ZC3H4: variants seen among roughly 807,000 people sequenced by gnomAD.
ZC3H4 encodes the protein zinc finger CCCH-type containing 4.
In ZC3H4, 13 loss-of-function variants were observed where a neutral mutation model predicts 108.3. The observed-to-expected ratio is 0.12, with a 90% CI of 0.08 to 0.19. The LOEUF (loss-of-function observed/expected upper bound fraction) is 0.19. ZC3H4 is among the 10% of genes least tolerant of loss of function. The pLI is 1.00. For missense variants in ZC3H4, 1,734 were observed against 1,838.8 expected (o/e 0.94, Z 1.04); for synonymous variants, 917 against 749.6 (o/e 1.22, Z -3.65).
chr19:47,106,617 G>C (rs2057971307), intron 2 of ZC3H4, among the ~76,000 whole-genome samples: 1 of 152,200 alleles, frequency 6.6e-6, no homozygotes, highest in Non-Finnish European at 1.5e-5. Context: ...ATATTAGTAA[G>C]CTGCAAGCAG....
At chr19:47,103,930 C>T (rs556798006) in intron 2 of ZC3H4, among the ~76,000 whole-genome samples, 3 of 150,580 alleles carry the variant, frequency 2.0e-5, no homozygotes, top group Non-Finnish European at 4.4e-5. Flanking sequence ...GGTGAAAGAG[C>T]GAGACTCCGT....
intron 2 of ZC3H4, among the ~76,000 whole-genome samples, chr19:47,097,471 C>A (rs2057840994): frequency 6.6e-6 from 1 of 152,246 alleles, no homozygotes; most frequent in Non-Finnish European, 1.5e-5. Flanking sequence ...AGGGGTCCCC[C>A]CTCACGACAC....
chr19:47,106,364 G>T (rs1327733545), intron 2 of ZC3H4, among the ~76,000 whole-genome samples: 1 of 152,194 alleles, frequency 6.6e-6, no homozygotes, highest in Non-Finnish European at 1.5e-5. Flanking sequence ...GAGGATCATT[G>T]AAGCCAAGAG....
In ZC3H4 at chr19:47,112,501, C is replaced by T. The variant is rs1162910393; in HGVS notation, c.84G>A (p.Ser28=). ...PPSPPPPSTP[S]PPPCSPDARP... is the part of the protein sequence containing the mutation. ...GGGCGTCGGGGGAACACGGAGGAGG[C>T]GAAGGCGTTGATGGCGGCGGCGGCG... Residue 28 remains serine (S), a synonymous_variant, in exon 2 of 15, where the codon TCG becomes TCA. Transcript: ENST00000253048. 2 of 1,129,288 alleles carry T rather than the reference C, an allele frequency of 1.8e-6. No homozygotes were observed. Among genetic ancestry groups the T allele is most frequent in the East Asian group, 3.2e-5 (1 of 31,362 alleles). 70.0% of individuals were successfully genotyped at this position (1,129,288 alleles called of 1,614,324 possible). A position where few individuals can be genotyped will look rare whatever the true frequency, so the allele number is the denominator to read the frequency against.
chr19:47,086,690 C>T (rs1331330773), intron 5 of ZC3H4, 152 bp from the exon 6 acceptor site: 1 of 1,395,268 alleles, frequency 7.2e-7, no homozygotes, highest in Non-Finnish European at 9.4e-7. Context: ...TTCCTAGATG[C>T]CCCAGGTAGG....
At position 47,072,809 on chromosome 19, in the gene ZC3H4, A is replaced by C. The variant is rs1468355107; in HGVS notation, c.1441-96T>G. 7.0e-7 allele frequency: 1 copy of C among 1,428,184 alleles called. No homozygotes were observed. Among genetic ancestry groups the C allele is most frequent in the South Asian group, 1.3e-5 (1 of 78,976 alleles). 88.5% of individuals were successfully genotyped at this position (1,428,184 alleles called of 1,614,324 possible). On this transcript the variant is annotated intron_variant, in intron 11 of 14. Coordinates refer to ENST00000253048, the MANE Select transcript of ZC3H4 (RefSeq NM_015168.2). This position sits in a 1 kb window ranked among gnomAD's most constrained non-coding sequence, Gnocchi z 5.6. ...AGCTGAAGTTTATGAGGAAAAGTCC[A>C]TAATACAAGGACCTTGAGATCTAAA...
chr19:47,067,339 C>T lies in ZC3H4; in HGVS notation c.2929G>A (p.Val977Met), dbSNP rs373956709. 8 of 1,601,364 alleles carry T rather than the reference C, an allele frequency of 5.0e-6. No individual in the cohort carries two copies. The highest frequency in any genetic ancestry group is 6.8e-6 in the Non-Finnish European group (8 of 1,172,962). The stretch of plus-strand genomic sequence containing the variant: ...ATCAGGTCCTCGGGATTCCAGAGCA[C>T]GGTGCGGGCGAAGCTGGGCTTGCTC... ...TLSKPSFART[V>M]LWNPEDLIPL... Residue 977 changes from valine (V) to methionine (M), a missense_variant, in exon 15 of 15, where the codon GTG becomes ATG. Physicochemically the swap from Val to Met is conservative, Grantham distance 21. This residue lies in a region of ZC3H4 where 518 missense variants were observed against 499.6 expected (regional missense o/e 1.04). Coordinates refer to ENST00000253048, the MANE Select transcript of ZC3H4 (RefSeq NM_015168.2). The surrounding 1 kb of genome is among the most constrained non-coding windows in gnomAD (Gnocchi z 6.4).
At chr19:47,070,885 C>G (rs1230550575) in intron 13 of ZC3H4, among the ~76,000 whole-genome samples, 1 of 152,206 alleles carries the variant, frequency 6.6e-6, no homozygotes, top group African/African-American at 2.4e-5. Flanking sequence ...CCCACGGCAC[C>G]GTGTCCAAAC....
chr19:47,085,423 C>A lies in ZC3H4; in HGVS notation c.871-9G>T. On this transcript the variant is annotated splice_polypyrimidine_tract_variant and intron_variant, in intron 6 of 14. Coordinates refer to ENST00000253048, the MANE Select transcript of ZC3H4 (RefSeq NM_015168.2). Reference sequence around the variant, plus strand: ...TCCTCACTCTCTCCATACTGGAATGCGCAGAGGAGAGGGCAGGAGAGCGTC... The same window carrying A: ...TCCTCACTCTCTCCATACTGGAATGAGCAGAGGAGAGGGCAGGAGAGCGTC... 6.4e-7 allele frequency: 1 copy of A among 1,569,792 alleles called. No individual in the cohort carries two copies. Among genetic ancestry groups the A allele is most frequent in the Non-Finnish European group, 8.6e-7 (1 of 1,159,454 alleles).
rs772539001 is a variant in ZC3H4, at chr19:47,072,639, G to A, written c.1515C>T (p.Asn505=). The part of the protein sequence containing the change: ...EVEELKKQGI[N]PLPKPPPGVG... Reference sequence around the variant, plus strand: ...CACCAGGGGGCGGTTTGGGCAGGGGGTTGATGCCCTGCTTCTTCAGTTCCT... The same window carrying A: ...CACCAGGGGGCGGTTTGGGCAGGGGATTGATGCCCTGCTTCTTCAGTTCCT... Residue 505 remains asparagine (N), a synonymous_variant, in exon 12 of 15, where the codon AAC becomes AAT. Transcript: ENST00000253048. This position sits in a 1 kb window ranked among gnomAD's most constrained non-coding sequence, Gnocchi z 5.6. 4.3e-6 allele frequency: 7 copies of A among 1,613,006 alleles called. No individual in the cohort carries two copies. The highest frequency in any genetic ancestry group is 1.7e-5 in the Admixed American group (1 of 59,982).
rs1418131445 is a variant in ZC3H4 at position 47,072,249 on chromosome 19, A to G, written c.1802+103T>C. ...CAGACCAGGACTCCCACAGCTGGGG[A>G]GAGAGGCAGGACTCTCCCACAGCCA... is the stretch of plus-strand genomic sequence containing the variant. On this transcript the variant is annotated intron_variant, in intron 12 of 14. Transcript: ENST00000253048. The surrounding 1 kb of genome is among the most constrained non-coding windows in gnomAD (Gnocchi z 5.6). 3 of 1,406,328 alleles carry G rather than the reference A, an allele frequency of 2.1e-6. No homozygotes were observed. Among genetic ancestry groups the G allele is most frequent in the Non-Finnish European group, 2.9e-6 (3 of 1,036,934 alleles). 87.1% of individuals were successfully genotyped at this position (1,406,328 alleles called of 1,614,324 possible). A position where few individuals can be genotyped will look rare whatever the true frequency, so the allele number is the denominator to read the frequency against.
intron 2 of ZC3H4, among the ~76,000 whole-genome samples, chr19:47,107,362 C>T (rs1268472234): frequency 5.9e-5 from 9 of 152,178 alleles, no homozygotes; most frequent in Non-Finnish European, 1.3e-4. Flanking sequence ...CATTTGACCA[C>T]AAGGACCCTG....
At chr19:47,084,944 G>T (rs1378328350) in intron 8 of ZC3H4, 112 bp downstream of exon 8, 5 of 1,429,844 alleles carry the variant, frequency 3.5e-6, no homozygotes, top group Non-Finnish European at 4.8e-6. Flanking sequence ...CCAGCCCTTT[G>T]GGGGGTGGCT....
At chr19:47,109,722 A>G (rs1011935812) in intron 2 of ZC3H4, among the ~76,000 whole-genome samples, 2 of 152,170 alleles carry the variant, frequency 1.3e-5, no homozygotes, top group African/African-American at 4.8e-5. Flanking sequence ...CCTCATCTAC[A>G]TGTGCGTGAC....
chr19:47,066,796 C>A lies in ZC3H4; in HGVS notation c.3472G>T (p.Gly1158Cys), dbSNP rs1193184632. Residue 1158 changes from glycine to cysteine, a missense_variant, in exon 15 of 15, where the codon GGC becomes TGC. Gly to Cys is a radical substitution (Grantham distance 159). This residue lies in a region of ZC3H4 where 518 missense variants were observed against 499.6 expected (regional missense o/e 1.04). Transcript: ENST00000253048. ...TCAGCAGCCGGCTCTGTGGCTTTGC[C>A]CCCCGCGTTGGGAGTCCTCGGGTCG... ...LYDPRTPNAG[G>C]KATEPAADTG... 3 of 1,600,680 alleles carry A rather than the reference C, an allele frequency of 1.9e-6. No homozygotes were observed. Among genetic ancestry groups the A allele is most frequent in the African/African-American group, 1.3e-5 (1 of 75,014 alleles).
At chr19:47,079,828 A>C (rs769399142) in intron 11 of ZC3H4, among the ~76,000 whole-genome samples, 28 of 152,202 alleles carry the variant, frequency 1.8e-4, no homozygotes, top group Non-Finnish European at 3.4e-4. Flanking sequence ...TAGAGGTTGC[A>C]GGGAGCCGAG....
Position 47,072,917 on chromosome 19 carries a change from G to C in ZC3H4, c.1441-204C>G, listed in dbSNP as rs1440545213. The stretch of plus-strand genomic sequence containing the variant: ...CACTCTCGGGGACCAGCTGGTAGAG[G>C]GGGGGCCATTCCTGCTCTATGGCAA... On this transcript the variant is annotated intron_variant, in intron 11 of 14. Transcript: ENST00000253048. The surrounding 1 kb of genome is among the most constrained non-coding windows in gnomAD (Gnocchi z 5.6). 2.0e-5 allele frequency among the ~76,000 whole-genome samples: 3 copies of C among 152,266 alleles called. No individual in the cohort carries two copies. In the South Asian group the frequency reaches 6.2e-4, roughly 32 times the overall value.
intron 4 of ZC3H4, among the ~76,000 whole-genome samples, chr19:47,091,137 G>C (rs980113648): frequency 6.6e-6 from 1 of 152,054 alleles, no homozygotes; most frequent in Non-Finnish European, 1.5e-5. Flanking sequence ...GCCGAGTGTG[G>C]GGCAGGCACC....
chr19:47,077,819 T>C (rs2057449996), intron 11 of ZC3H4, among the ~76,000 whole-genome samples: 1 of 148,452 alleles, frequency 6.7e-6, no homozygotes, highest in African/African-American at 2.5e-5. Context: ...ATCGCGCCAC[T>C]GTGCTCCAGC....
Sources: allele counts gnomAD v4.1 joint callset (sites outside exome capture counted in the v4.1 genomes callset), GRCh38; gene constraint gnomAD v4.1.1; regional missense constraint gnomAD v4.1.1; non-coding constraint Gnocchi (gnomAD v3.1); transcripts MANE v1.5; gene names NCBI Gene and HGNC (gene_info 2026-07-23, HGNC 2026-07-21).